The following LRMDA variants were observed in gnomAD, a reference collection of about 807,000 sequenced individuals.
LRMDA encodes the protein leucine-rich melanocyte differentiation-associated protein.
A neutral mutation model predicts 29.8 loss-of-function variants in LRMDA; 18 were observed. The observed-to-expected ratio is 0.60, with a 90% CI of 0.42 to 0.90. LRMDA has a LOEUF of 0.90. Ranked by LOEUF, LRMDA falls within the 40% of genes least tolerant of loss-of-function variation. LRMDA has a pLI of 0.00. For synonymous variants in LRMDA, 125 were observed against 109.4 expected (o/e 1.14, Z -0.89); for missense variants, 273 against 273.9 (o/e 1.00, Z 0.02).
intron 6 of LRMDA, among the ~76,000 whole-genome samples, chr10:76,391,542 G>A (rs1161403921): frequency 6.6e-6 from 1 of 152,176 alleles, no homozygotes; most frequent in Admixed American, 6.5e-5. Flanking sequence ...GATCCATTAT[G>A]TCTGGTAAAT....
intron 2 of LRMDA, among the ~76,000 whole-genome samples, chr10:75,853,731 ACTCTGTG>A (rs1269829921): frequency 6.6e-6 from 1 of 152,110 alleles, no homozygotes; most frequent in Non-Finnish European, 1.5e-5. Flanking sequence ...AAACCAGCCG[ACTCTGTG>A]ATTTCACAGT....
intron 5 of LRMDA, among the ~76,000 whole-genome samples, chr10:76,194,824 A>C (rs1218212360): frequency 2.0e-5 from 3 of 152,204 alleles, no homozygotes; most frequent in Admixed American, 6.5e-5. Context: ...TACTCTATCA[A>C]ACAAAGTCAA....
chr10:75,754,343 A>G (rs1346075826), intron 2 of LRMDA, among the ~76,000 whole-genome samples: 1 of 152,218 alleles, frequency 6.6e-6, no homozygotes, highest in African/African-American at 2.4e-5. Flanking sequence ...ACTGGTTTCT[A>G]TGAAGAGTTC....
rs886193276 is a variant in LRMDA at position 75,879,278 on chromosome 10, G to A, written c.132-156730G>A. Among the ~76,000 whole-genome samples the A allele has an allele frequency of 5.9e-5, 9 of 152,154 alleles. No homozygotes were observed. The South Asian group carries it at 6.2e-4, about 11-fold the overall frequency. On this transcript the variant is annotated intron_variant, in intron 2 of 6. Coordinates refer to ENST00000611255, the MANE Select transcript of LRMDA (RefSeq NM_001305581.2). Reference sequence around the variant, plus strand: ...AAGCAGGAGAAGGATCGGACCTCCCGAACACTCAATTGGCTGCTGCAGAAT... The same window carrying A: ...AAGCAGGAGAAGGATCGGACCTCCCAAACACTCAATTGGCTGCTGCAGAAT...
chr10:76,314,479 C>T (rs933160513), intron 5 of LRMDA, among the ~76,000 whole-genome samples: 4 of 152,182 alleles, frequency 2.6e-5, no homozygotes, highest in African/African-American at 7.2e-5. Context: ...CAGCATTTGC[C>T]AGTTTCTGCT....
intron 2 of LRMDA, among the ~76,000 whole-genome samples, chr10:75,671,175 G>C (rs992041170): frequency 1.3e-5 from 2 of 152,164 alleles, no homozygotes; most frequent in African/African-American, 4.8e-5. Flanking sequence ...AGAGTTTTAA[G>C]TCTAAATTTA....
intron 2 of LRMDA, among the ~76,000 whole-genome samples, chr10:75,481,937 CA>C (rs1170861777): frequency 5.9e-5 from 9 of 152,330 alleles, no homozygotes; most frequent in African/African-American, 2.2e-4. Context: ...ATTTCAGTTT[CA>C]GCTACACTTT....
intron 5 of LRMDA, among the ~76,000 whole-genome samples, chr10:76,247,919 A>C (rs2132293013): frequency 6.6e-6 from 1 of 152,282 alleles, no homozygotes; most frequent in African/African-American, 2.4e-5. Flanking sequence ...CCAACAGTGA[A>C]GGTACCTGCA....
At chr10:76,158,744 C>T (rs1850589131) in intron 5 of LRMDA, among the ~76,000 whole-genome samples, 1 of 152,050 alleles carries the variant, frequency 6.6e-6, no homozygotes, top group Non-Finnish European at 1.5e-5. Flanking sequence ...AACTCCAGGA[C>T]AATTAATTTA....
At position 75,533,796 on chromosome 10, in the gene LRMDA, C is replaced by T. The variant is rs75525899; in HGVS notation, c.131+95302C>T. On this transcript the variant is annotated intron_variant, in intron 2 of 6. Transcript: ENST00000611255. ...AGGATGAGAGGAGAGAGAGAGTCAA[C>T]GATATTCCACAGAGTGCAGAGAGAG... is the stretch of plus-strand genomic sequence containing the variant. 3.7e-3 allele frequency among the ~76,000 whole-genome samples: 562 copies of T among 152,174 alleles called. 6 individuals carry two copies. Among genetic ancestry groups the T allele is most frequent in the African/African-American group, 0.013 (537 of 41,522 alleles).
intron 2 of LRMDA, among the ~76,000 whole-genome samples, chr10:75,742,220 T>C (rs987466770): frequency 6.6e-6 from 1 of 152,234 alleles, no homozygotes; most frequent in African/African-American, 2.4e-5. Context: ...ACACATATCA[T>C]GAGATTGTCA....
At chr10:75,854,448 C>T (rs1488719410) in intron 2 of LRMDA, among the ~76,000 whole-genome samples, 1 of 152,068 alleles carries the variant, frequency 6.6e-6, no homozygotes, top group Non-Finnish European at 1.5e-5. Flanking sequence ...TTTGGATGGC[C>T]ACTTTCTATA....
At chr10:76,156,392 G>T (rs145943766) in intron 5 of LRMDA, among the ~76,000 whole-genome samples, 2,171 of 152,174 alleles carry the variant, frequency 0.014, 25 homozygotes, top group Middle Eastern at 0.037. Flanking sequence ...TCATAAATTA[G>T]ACCCAGCCAA....
At chr10:76,140,757 C>G (rs1285892179) in intron 5 of LRMDA, among the ~76,000 whole-genome samples, 1 of 152,110 alleles carries the variant, frequency 6.6e-6, no homozygotes, top group Admixed American at 6.6e-5. Flanking sequence ...CAATTGCCTT[C>G]AATCTCCTCC....
intron 6 of LRMDA, among the ~76,000 whole-genome samples, chr10:76,543,660 C>T (rs999282049): frequency 6.6e-6 from 1 of 152,086 alleles, no homozygotes; most frequent in African/African-American, 2.4e-5. Context: ...GAAGTTGCCC[C>T]TCTGGAAGAA....
intron 2 of LRMDA, among the ~76,000 whole-genome samples, chr10:75,940,615 C>T (rs1454573668): frequency 2.0e-5 from 3 of 152,136 alleles, no homozygotes; most frequent in Admixed American, 6.5e-5. Context: ...CCCATCTCAT[C>T]GCCACTCCTT....
intron 2 of LRMDA, among the ~76,000 whole-genome samples, chr10:75,446,010 C>T (rs1315130060): frequency 6.6e-6 from 1 of 152,224 alleles, no homozygotes; most frequent in Non-Finnish European, 1.5e-5. Context: ...TGGGAAACTT[C>T]AGAAAAGAAA....
intron 5 of LRMDA, chr10:76,318,318 A>G (rs1840725820): frequency 6.6e-6 from 1 of 152,008 alleles, no homozygotes; most frequent in South Asian, 2.1e-4. Flanking sequence ...ATATTTGTGA[A>G]CTGCTACTCT....
chr10:75,529,782 C>T (rs1307962538), intron 2 of LRMDA, among the ~76,000 whole-genome samples: 1 of 152,146 alleles, frequency 6.6e-6, no homozygotes, highest in Non-Finnish European at 1.5e-5. Context: ...ACAATTATAG[C>T]ATGAGGAATA....
Sources: gnomAD v4.1 joint callset for allele counts (sites outside exome capture counted in the v4.1 genomes callset) on GRCh38, gnomAD v4.1.1 for gene constraint, MANE v1.5 for transcripts, NCBI Gene and HGNC (gene_info 2026-07-23, HGNC 2026-07-21) for gene names.